Variants in CDK19 observed in about 807,000 individuals in gnomAD.
The protein encoded by CDK19 is cyclin dependent kinase 19.
CDK19 carries 20 observed loss-of-function variants against 68.3 expected under a neutral mutation model. The observed-to-expected ratio is 0.29, with a 90% CI of 0.21 to 0.43. The LOEUF is 0.43. Among genes scored for constraint, CDK19 ranks in the 20% least tolerant of loss-of-function variants. The pLI is 1.00. For synonymous variants in CDK19, 221 were observed against 222.8 expected (o/e 0.99, Z 0.07); for missense variants, 339 against 623.5 (o/e 0.54, Z 4.86).
chr6:110,798,797 G>T (rs1360990478), intron 1 of CDK19, among the ~76,000 whole-genome samples: 2 of 150,858 alleles, frequency 1.3e-5, no homozygotes, highest in African/African-American at 2.4e-5. Context: ...TACATTATCA[G>T]ACATGCAAGA....
intron 1 of CDK19, among the ~76,000 whole-genome samples, chr6:110,752,878 T>C (rs559548789): frequency 6.6e-6 from 1 of 152,128 alleles, no homozygotes; most frequent in African/African-American, 2.4e-5. Flanking sequence ...CTCCTTTTTC[T>C]TACAAACTGA....
chr6:110,743,924 T>C (rs979347105), intron 2 of CDK19, among the ~76,000 whole-genome samples: 5 of 151,892 alleles, frequency 3.3e-5, no homozygotes, highest in Non-Finnish European at 5.9e-5. Context: ...TTTATATTGG[T>C]TGATATAATA....
rs903948744 is a variant in CDK19 at position 110,611,420 on chromosome 6, G to C, written c.*3115C>G. ...ATCATTTGGGGACCACAAAGGTAAAGTTTGCCCTCAAAAAGCTTCAAAGGT... is the reference window on the plus strand; with the variant it reads ...ATCATTTGGGGACCACAAAGGTAAACTTTGCCCTCAAAAAGCTTCAAAGGT... On this transcript the variant is annotated 3_prime_UTR_variant, in exon 13 of 13. Transcript: ENST00000368911. 3.3e-5 allele frequency: 5 copies of C among 152,346 alleles called. No individual in the cohort carries two copies. The highest frequency in any genetic ancestry group is 1.2e-4 in the African/African-American group (5 of 41,576). The allele number at this position is 152,346 out of a possible 1,614,324, so 9.4% of individuals were successfully genotyped here.
At chr6:110,812,015 C>G (rs978828941) in intron 1 of CDK19, among the ~76,000 whole-genome samples, 1 of 151,540 alleles carries the variant, frequency 6.6e-6, no homozygotes, top group African/African-American at 2.4e-5. Flanking sequence ...TCTGGCAACA[C>G]AGCAAGACCC....
intron 1 of CDK19, among the ~76,000 whole-genome samples, chr6:110,779,402 G>A (rs939613033): frequency 2.0e-5 from 3 of 152,126 alleles, no homozygotes; most frequent in African/African-American, 7.2e-5. Context: ...AATGGACAAT[G>A]TTCCTTTGTG....
intron 2 of CDK19, among the ~76,000 whole-genome samples, chr6:110,685,257 A>G (rs1327510453): frequency 6.6e-6 from 1 of 152,228 alleles, no homozygotes; most frequent in African/African-American, 2.4e-5. Flanking sequence ...CTTAACTAGT[A>G]TATACACAGG....
chr6:110,667,943 AAGTT>A (rs970156836), intron 3 of CDK19, among the ~76,000 whole-genome samples: 2 of 152,222 alleles, frequency 1.3e-5, no homozygotes, highest in Non-Finnish European at 2.9e-5. Flanking sequence ...TTTCTATAAA[AAGTT>A]AGCACTTAGT....
At chr6:110,789,192 ATACCTT>A (rs1327927005) in intron 1 of CDK19, among the ~76,000 whole-genome samples, 3 of 152,204 alleles carry the variant, frequency 2.0e-5, no homozygotes, top group East Asian at 1.9e-4. Context: ...ATTCAGTACT[ATACCTT>A]TACATTTGTT....
intron 4 of CDK19, among the ~76,000 whole-genome samples, chr6:110,639,001 A>G (rs953368865): frequency 6.6e-6 from 1 of 152,208 alleles, no homozygotes; most frequent in African/African-American, 2.4e-5. Context: ...GAAAAAACTA[A>G]TAATAATTTT....
chr6:110,739,396 G>A (rs1777484440), intron 2 of CDK19, among the ~76,000 whole-genome samples: 1 of 152,048 alleles, frequency 6.6e-6, no homozygotes. Flanking sequence ...ACACTGAATG[G>A]GCCTTGATCC....
intron 1 of CDK19, among the ~76,000 whole-genome samples, chr6:110,756,475 T>A (rs1266857820): frequency 1.3e-5 from 2 of 150,456 alleles, no homozygotes; most frequent in East Asian, 3.9e-4. Context: ...GGCTGGAAGA[T>A]CACTTGAGCC....
chr6:110,811,117 T>C (rs1303102210), intron 1 of CDK19, among the ~76,000 whole-genome samples: 1 of 152,160 alleles, frequency 6.6e-6, no homozygotes, highest in African/African-American at 2.4e-5. Flanking sequence ...AAGAGGAAAT[T>C]GAACTAGATG....
intron 2 of CDK19, among the ~76,000 whole-genome samples, chr6:110,723,162 A>AC (rs1776063056): frequency 6.6e-6 from 1 of 150,778 alleles, no homozygotes; most frequent in Non-Finnish European, 1.5e-5. Context: ...AAAAAAAAAA[A>AC]CGCAGATTTG....
rs774904075 is a variant in CDK19 at position 110,706,404 on chromosome 6, G to GTTTTTTTTTTTTTTTTTTTT, written c.205-35864_205-35863insAAAAAAAAAAAAAAAAAAAA. On this transcript the variant is annotated intron_variant, in intron 2 of 12. Coordinates refer to ENST00000368911, the MANE Select transcript of CDK19 (RefSeq NM_015076.5). ...CAACAGCATGCTGGGTAACACTGTTGTTTTTTTTTTGTTTGTTTTTTTTTT... is the reference window on the plus strand; with the variant it reads ...CAACAGCATGCTGGGTAACACTGTTGTTTTTTTTTTTTTTTTTTTTTTTTTTTTTTGTTTGTTTTTTTTTT... The GTTTTTTTTTTTTTTTTTTTT allele has an allele frequency of 5.6e-5, 4 of 71,064 alleles. 2 individuals carry two copies. The highest frequency in any genetic ancestry group is 5.2e-5 in the Non-Finnish European group (2 of 38,606). 4.4% of individuals were successfully genotyped at this position (71,064 alleles called of 1,614,324 possible). A position where few individuals can be genotyped will look rare whatever the true frequency, so the allele number is the denominator to read the frequency against.
Position 110,743,355 on chromosome 6 carries a change from G to A in CDK19, c.204+2771C>T, listed in dbSNP as rs545636443. Reference sequence around the variant, plus strand: ...GCAAACTCTCAATAAGAATATGAAGGCTATGGCTGAGAGTGGTGACTCATG... The same window carrying A: ...GCAAACTCTCAATAAGAATATGAAGACTATGGCTGAGAGTGGTGACTCATG... On this transcript the variant is annotated intron_variant, in intron 2 of 12. Coordinates refer to ENST00000368911, the MANE Select transcript of CDK19 (RefSeq NM_015076.5). Among the ~76,000 whole-genome samples the A allele has an allele frequency of 2.0e-5, 3 of 152,152 alleles. No homozygotes were observed. The South Asian group carries it at 6.2e-4, about 32-fold the overall frequency.
chr6:110,680,201 G>C (rs983226514), intron 2 of CDK19, among the ~76,000 whole-genome samples: 3 of 152,172 alleles, frequency 2.0e-5, no homozygotes. Context: ...AGAAGAATAA[G>C]AGTGCTGGCT....
At chr6:110,703,905 T>A (rs1774219131) in intron 2 of CDK19, among the ~76,000 whole-genome samples, 1 of 152,226 alleles carries the variant, frequency 6.6e-6, no homozygotes, top group Non-Finnish European at 1.5e-5. Context: ...TTATAAATTA[T>A]ACACATTCAT....
chr6:110,780,484 AT>A (rs58129614), intron 1 of CDK19, among the ~76,000 whole-genome samples: 31,650 of 150,610 alleles, frequency 0.21, 4,213 homozygotes, highest in East Asian at 0.67. Context: ...ATCAGAATTT[AT>A]TTTTTTTTAT....
intron 12 of CDK19, among the ~76,000 whole-genome samples, chr6:110,618,965 T>C (rs1478347896): frequency 4.6e-5 from 7 of 152,172 alleles, no homozygotes; most frequent in Admixed American, 3.9e-4. Flanking sequence ...TGACATTTTC[T>C]CCAATTAACC....
Sources: allele counts gnomAD v4.1 joint callset (sites outside exome capture counted in the v4.1 genomes callset), GRCh38; gene constraint gnomAD v4.1.1; transcripts MANE v1.5; gene names NCBI Gene and HGNC (gene_info 2026-07-23, HGNC 2026-07-21).